The following NEDD4 variants were observed in gnomAD, a reference collection of about 807,000 sequenced individuals.
NEDD4 encodes the protein E3 ubiquitin-protein ligase NEDD4.
A neutral mutation model predicts 144.9 loss-of-function variants in NEDD4; 99 were observed. That is an observed-to-expected ratio of 0.68 (90% CI 0.58 to 0.81). The LOEUF (loss-of-function observed/expected upper bound fraction) is 0.81. NEDD4 is among the 30% of genes least tolerant of loss of function. The pLI is 0.00. For synonymous variants in NEDD4, 318 were observed against 350.6 expected, an observed-to-expected ratio of 0.91 and a Z score of 1.04; for missense variants, 985 against 1,065.9, an observed-to-expected ratio of 0.92 and a Z score of 1.06.
chr15:55,978,356 C>A (rs55770635), intron 1 of NEDD4, among the ~76,000 whole-genome samples: 2,964 of 152,200 alleles, frequency 0.019, 109 homozygotes, highest in African/African-American at 0.068. Context: ...AAATTAAGTG[C>A]CATTTATTTT....
At chr15:55,886,839 G>T in intron 5 of NEDD4, among the ~76,000 whole-genome samples, 1 of 151,652 alleles carries the variant, frequency 6.6e-6, no homozygotes, top group Non-Finnish European at 1.5e-5. Context: ...ATAACAAAAG[G>T]AATTTTGGAA....
In NEDD4 at chr15:55,872,530, C is replaced by T. The variant is rs2034839161; in HGVS notation, c.343-54G>A. On this transcript the variant is annotated intron_variant, in intron 6 of 28. Coordinates refer to ENST00000435532, the MANE Select transcript of NEDD4 (RefSeq NM_006154.4). ...ATATCTATAACACCAAAAGCATGTA[C>T]TTTTCAAGAATACTCATGAACTATC... 5.1e-6 allele frequency: 4 copies of T among 791,112 alleles called. No individual in the cohort carries two copies. In the South Asian group the frequency reaches 1.2e-4, roughly 23 times the overall value. The allele number at this position is 791,112 out of a possible 1,614,324, so 49.0% of individuals were successfully genotyped here. A position where few individuals can be genotyped will look rare whatever the true frequency, so the allele number is the denominator to read the frequency against.
At chr15:55,836,816 C>A (rs923608881) in intron 24 of NEDD4, among the ~76,000 whole-genome samples, 2 of 152,150 alleles carry the variant, frequency 1.3e-5, no homozygotes, top group South Asian at 4.1e-4. Context: ...GAATGAGCCA[C>A]CGCGCCCAAA....
rs1259486206 is a variant in NEDD4, at chr15:55,963,142, T to TA, written c.119+3330_119+3331insT. 7.3e-5 allele frequency among the ~76,000 whole-genome samples: 11 copies of TA among 150,864 alleles called. 1 individual carries two copies. The highest frequency in any genetic ancestry group is 2.4e-5 in the African/African-American group (1 of 40,914). On this transcript the variant is annotated intron_variant, in intron 2 of 28. Transcript: ENST00000435532. ...TTTCTGGCACTCTTTTTTATTTTTT[T>TA]TTTTTTTGAGACAGGGTCTCACTCT... is the stretch of plus-strand genomic sequence containing the variant.
Position 55,976,795 on chromosome 15 carries a change from A to AT in NEDD4, c.46-10250dup, listed in dbSNP as rs35449168. Among the ~76,000 whole-genome samples, 1,425 of 150,178 alleles carry AT rather than the reference A, an allele frequency of 9.5e-3. 24 individuals carry two copies. Among genetic ancestry groups the AT allele is most frequent in the African/African-American group, 0.031 (1,287 of 40,890 alleles). On this transcript the variant is annotated intron_variant, in intron 1 of 28. Coordinates refer to ENST00000435532, the MANE Select transcript of NEDD4 (RefSeq NM_006154.4). ...AGGCGCCCGCCACCACACCTGGCTA[A>AT]TTTTTTTTTTTGTATTTTTAGTACA...
At chr15:55,984,553 C>T (rs2037858982) in intron 1 of NEDD4, among the ~76,000 whole-genome samples, 2 of 152,154 alleles carry the variant, frequency 1.3e-5, no homozygotes, top group South Asian at 4.1e-4. Flanking sequence ...TCTTTATTGA[C>T]GGCCATGATT....
chr15:55,877,268 A>G (rs2035026961), intron 5 of NEDD4, among the ~76,000 whole-genome samples: 1 of 152,224 alleles, frequency 6.6e-6, no homozygotes, highest in African/African-American at 2.4e-5. Flanking sequence ...TTAAATCTGG[A>G]AAGTACCTTA....
chr15:55,845,798 C>CTTT lies in NEDD4; in HGVS notation c.1608+1168_1608+1170dup, dbSNP rs11449030. Among the ~76,000 whole-genome samples, 85 of 143,170 alleles carry CTTT rather than the reference C, an allele frequency of 5.9e-4. No individual in the cohort carries two copies. The South Asian group carries it at 6.2e-3, about 10-fold the overall frequency. The allele number at this position is 143,170 out of a possible 152,430, so 93.9% of individuals were successfully genotyped here. On this transcript the variant is annotated intron_variant, in intron 18 of 28. Coordinates refer to ENST00000435532, the MANE Select transcript of NEDD4 (RefSeq NM_006154.4). ...CAAAGTTATTCTTTTTTTCTTTTTT[C>CTTT]TTTTTTTTTTTTTGAGACACTCTGT...
At chr15:55,977,802 C>T (rs1220897290) in intron 1 of NEDD4, among the ~76,000 whole-genome samples, 4 of 151,720 alleles carry the variant, frequency 2.6e-5, no homozygotes, top group Admixed American at 2.0e-4. Flanking sequence ...AACAGGCCAA[C>T]TGAAATATTC....
intron 4 of NEDD4, among the ~76,000 whole-genome samples, chr15:55,947,398 T>A (rs1245010947): frequency 6.6e-6 from 1 of 152,010 alleles, no homozygotes; most frequent in Admixed American, 6.5e-5. Flanking sequence ...TCTATGCAAA[T>A]AAACTAGAAA....
Position 55,872,485 on chromosome 15 carries a change from A to G in NEDD4, c.343-9T>C. The G allele has an allele frequency of 1.5e-6, 2 of 1,374,754 alleles. No homozygotes were observed. Among genetic ancestry groups the G allele is most frequent in the South Asian group, 1.5e-5 (1 of 66,160 alleles). 85.2% of individuals were successfully genotyped at this position (1,374,754 alleles called of 1,614,324 possible). On this transcript the variant is annotated splice_polypyrimidine_tract_variant and intron_variant, in intron 6 of 28. Coordinates refer to ENST00000435532, the MANE Select transcript of NEDD4 (RefSeq NM_006154.4). ...AATCTTGGATTTTCTGTCTAGAATA[A>G]AATAGTGGGTTTTCAAAATATATCT...
intron 9 of NEDD4, among the ~76,000 whole-genome samples, chr15:55,861,233 C>A (rs138977557): frequency 5.1e-4 from 77 of 152,150 alleles, no homozygotes; most frequent in African/African-American, 1.8e-3. Flanking sequence ...GTACTCCATG[C>A]ATGAATGTGA....
Position 55,848,921 on chromosome 15 carries a change from C to A in NEDD4, c.1348-35G>T, listed in dbSNP as rs555690047. On this transcript the variant is annotated intron_variant, in intron 14 of 28. Coordinates refer to ENST00000435532, the MANE Select transcript of NEDD4 (RefSeq NM_006154.4). ...TAGAGTAAATAAAGAACAATACACA[C>A]AAATTTTAAAATAATCAAAGTCAGT... 5 of 1,511,496 alleles carry A rather than the reference C, an allele frequency of 3.3e-6. No homozygotes were observed. The South Asian group carries it at 5.6e-5, about 17-fold the overall frequency. 93.6% of individuals were successfully genotyped at this position (1,511,496 alleles called of 1,614,324 possible).
chr15:55,917,385 A>T (rs2142216285), intron 5 of NEDD4, among the ~76,000 whole-genome samples: 1 of 152,314 alleles, frequency 6.6e-6, no homozygotes, highest in East Asian at 1.9e-4. Flanking sequence ...CATGTAATTA[A>T]GCATCAAATC....
At chr15:55,855,301 T>C (rs1595753701) in intron 12 of NEDD4, among the ~76,000 whole-genome samples, 1 of 152,054 alleles carries the variant, frequency 6.6e-6, no homozygotes, top group Non-Finnish European at 1.5e-5. Context: ...TCCAGATGGT[T>C]GGGGAAGAAA....
intron 1 of NEDD4, among the ~76,000 whole-genome samples, chr15:55,986,530 C>A (rs1404497447): frequency 6.6e-6 from 1 of 151,338 alleles, no homozygotes; most frequent in Non-Finnish European, 1.5e-5. Flanking sequence ...CTAAACAGAC[C>A]CAAACAGACC....
intron 5 of NEDD4, 98 bp from the exon 6 acceptor site, chr15:55,874,106 T>A: frequency 1.6e-6 from 1 of 628,584 alleles, no homozygotes; most frequent in East Asian, 2.9e-5. Flanking sequence ...AATGTAGAGT[T>A]TTTTTTTTAT....
chr15:55,959,439 G>T (rs1434676762), intron 2 of NEDD4, among the ~76,000 whole-genome samples: 1 of 152,072 alleles, frequency 6.6e-6, no homozygotes, highest in Admixed American at 6.5e-5. Flanking sequence ...CTTGATTAAC[G>T]TACCATGTGC....
intron 27 of NEDD4, 151 bp downstream of exon 27, chr15:55,832,857 C>A: frequency 1.8e-6 from 1 of 545,672 alleles, no homozygotes; most frequent in Non-Finnish European, 3.2e-6. Context: ...TAGCCTACTC[C>A]AGTGTCCCTA....
Sources: allele counts gnomAD v4.1 joint callset (sites outside exome capture counted in the v4.1 genomes callset), GRCh38; gene constraint gnomAD v4.1.1; transcripts MANE v1.5; gene names NCBI Gene and HGNC (gene_info 2026-07-23, HGNC 2026-07-21).